The following GLIS3 variants were observed in gnomAD, a reference collection of about 807,000 sequenced individuals.
GLIS3 encodes the protein zinc finger protein GLIS3.
Under a neutral mutation model 78.6 loss-of-function variants are expected in GLIS3, and 53 were observed. The ratio of observed to expected loss-of-function variants is 0.67; its 90% CI spans 0.54 to 0.85. GLIS3 has a LOEUF of 0.85. GLIS3 is among the 40% of genes least tolerant of loss of function. The pLI is 0.00. For synonymous variants in GLIS3, 684 were observed against 509.9 expected, an observed-to-expected ratio of 1.34 and a Z score of -4.60; for missense variants, 1,703 against 1,231.1, an observed-to-expected ratio of 1.38 and a Z score of -5.74.
chr9:3,975,447 C>G (rs994521704), intron 4 of GLIS3, among the ~76,000 whole-genome samples: 1 of 152,152 alleles, frequency 6.6e-6, no homozygotes, highest in Non-Finnish European at 1.5e-5. Flanking sequence ...ACTGCTGTAT[C>G]TGTCAAAGTA....
At chr9:4,221,390 A>C (rs1821317538) in intron 2 of GLIS3, among the ~76,000 whole-genome samples, 2 of 152,252 alleles carry the variant, frequency 1.3e-5, no homozygotes, top group Non-Finnish European at 2.9e-5. Flanking sequence ...AAAAGAAATA[A>C]ATTATTTTTT....
intron 9 of GLIS3, among the ~76,000 whole-genome samples, chr9:3,846,689 T>A (rs1274463632): frequency 1.3e-5 from 2 of 152,204 alleles, no homozygotes; most frequent in Non-Finnish European, 2.9e-5. Flanking sequence ...TCACAATCCC[T>A]CTTCCACAGG....
intron 2 of GLIS3, among the ~76,000 whole-genome samples, chr9:4,279,539 C>A (rs980918291): frequency 6.6e-5 from 10 of 151,252 alleles, no homozygotes; most frequent in African/African-American, 2.4e-4. Flanking sequence ...CTTGTGAAGA[C>A]CTGGTTTAAG....
intron 2 of GLIS3, among the ~76,000 whole-genome samples, chr9:4,260,811 C>G (rs963231623): frequency 1.3e-5 from 2 of 152,160 alleles, no homozygotes; most frequent in Non-Finnish European, 2.9e-5. Flanking sequence ...TCAAGAAATA[C>G]TTCTGGCTCA....
At chr9:3,870,397 C>G (rs1400250687) in intron 8 of GLIS3, among the ~76,000 whole-genome samples, 1 of 152,098 alleles carries the variant, frequency 6.6e-6, no homozygotes, top group East Asian at 1.9e-4. Flanking sequence ...TTTCTTGAAA[C>G]AAATGAAAAT....
chr9:3,855,826 C>A, intron 9 of GLIS3, 183 bp downstream of exon 9: 1 of 691,918 alleles, frequency 1.4e-6, no homozygotes. Context: ...CATCATCAGG[C>A]CAAAGTCAGG....
chr9:4,070,421 A>T (rs911867243), intron 4 of GLIS3, among the ~76,000 whole-genome samples: 4 of 152,186 alleles, frequency 2.6e-5, no homozygotes, highest in African/African-American at 9.6e-5. Flanking sequence ...GTCCCTAGAC[A>T]CAGTACTGTC....
chr9:4,244,578 T>A (rs1186200261), intron 2 of GLIS3, among the ~76,000 whole-genome samples: 2 of 152,142 alleles, frequency 1.3e-5, no homozygotes, highest in Admixed American at 6.5e-5. Context: ...CAAGGAATTT[T>A]TTTTCTTTTT....
At chr9:3,958,852 G>A (rs1342699839) in intron 4 of GLIS3, among the ~76,000 whole-genome samples, 2 of 152,210 alleles carry the variant, frequency 1.3e-5, no homozygotes, top group African/African-American at 4.8e-5. Flanking sequence ...AATAATACTG[G>A]CTAAAGCCCA....
chr9:4,376,354 T>C, the GLIS3 span, among the ~76,000 whole-genome samples: 1 of 152,226 alleles, frequency 6.6e-6, no homozygotes, highest in African/African-American at 2.4e-5. Flanking sequence ...GAAGATTGTT[T>C]TTCCTGGGGA....
At chr9:4,407,634 A>G in the GLIS3 span, among the ~76,000 whole-genome samples, 3 of 152,224 alleles carry the variant, frequency 2.0e-5, no homozygotes, top group Non-Finnish European at 4.4e-5. Flanking sequence ...GAGACAGAGC[A>G]AGACTCTCTC....
rs573442835 is a variant in GLIS3, at chr9:3,960,012, C to T, written c.1711-22823G>A. Among the ~76,000 whole-genome samples, 5 of 152,252 alleles carry T rather than the reference C, an allele frequency of 3.3e-5. No homozygotes were observed. In the South Asian group the frequency reaches 1.0e-3, roughly 32 times the overall value. On this transcript the variant is annotated intron_variant, in intron 4 of 10. Coordinates refer to ENST00000381971, the MANE Select transcript of GLIS3 (RefSeq NM_001042413.2). ...ACTGAAAATACAAAAATTAGCCAGG[C>T]ATGGTGGTGTGCACCTGTAATCTCA...
intron 8 of GLIS3, among the ~76,000 whole-genome samples, chr9:3,863,130 T>C (rs192691752): frequency 6.6e-6 from 1 of 152,296 alleles, no homozygotes; most frequent in East Asian, 1.9e-4. Context: ...AATACCCCAC[T>C]TTGTATAGCC....
chr9:4,405,283 G>A, the GLIS3 span, among the ~76,000 whole-genome samples: 7 of 151,972 alleles, frequency 4.6e-5, no homozygotes, highest in Non-Finnish European at 4.4e-5. Context: ...GAACCCAGGC[G>A]GCAGAGGTTG....
At chr9:3,944,795 T>C (rs1444416597) in intron 4 of GLIS3, among the ~76,000 whole-genome samples, 1 of 152,202 alleles carries the variant, frequency 6.6e-6, no homozygotes, top group East Asian at 1.9e-4. Context: ...GGGTAATTTA[T>C]AAAAAATAGA....
At chr9:4,410,014 A>G in the GLIS3 span, among the ~76,000 whole-genome samples, 1 of 152,318 alleles carries the variant, frequency 6.6e-6, no homozygotes, top group East Asian at 1.9e-4. Context: ...TCTGTCACCC[A>G]GGCTGGAGTG....
At position 3,914,947 on chromosome 9, in the gene GLIS3, C is replaced by A. The variant is rs73386141; in HGVS notation, c.1984-16112G>T. ...CCGTGGTGTTATTTTCGTCAATGCA[C>A]AGAATTACTGTCAGTAATTTCCCTC... On this transcript the variant is annotated intron_variant, in intron 6 of 10. Transcript: ENST00000381971. Among the ~76,000 whole-genome samples, 554 of 152,142 alleles carry A rather than the reference C, an allele frequency of 3.6e-3. 3 individuals carry two copies. The highest frequency in any genetic ancestry group is 0.013 in the African/African-American group (530 of 41,484).
the GLIS3 span, among the ~76,000 whole-genome samples, chr9:4,410,298 T>G: frequency 6.6e-6 from 1 of 152,118 alleles, no homozygotes; most frequent in Non-Finnish European, 1.5e-5. Flanking sequence ...AGTTCTTTAT[T>G]AGGGTTTGCA....
rs984636887 is a variant in GLIS3, at chr9:4,235,453, G to A, written c.388+50585C>T. On this transcript the variant is annotated intron_variant, in intron 2 of 10. Transcript: ENST00000381971. ...ATCAACTTTAAGTTTCTAACGACTTGATCTCAGTCATTCAGCCATGCTGGA... is the reference window on the plus strand; with the variant it reads ...ATCAACTTTAAGTTTCTAACGACTTAATCTCAGTCATTCAGCCATGCTGGA... Among the ~76,000 whole-genome samples the A allele has an allele frequency of 8.5e-5, 13 of 152,168 alleles. 1 individual carries two copies. The highest frequency in any genetic ancestry group is 4.4e-5 in the Non-Finnish European group (3 of 68,030).
Sources: allele counts gnomAD v4.1 joint callset (sites outside exome capture counted in the v4.1 genomes callset), GRCh38; gene constraint gnomAD v4.1.1; transcripts MANE v1.5; gene names NCBI Gene and HGNC (gene_info 2026-07-23, HGNC 2026-07-21).